FBN2: variants seen among roughly 807,000 people sequenced by gnomAD.
FBN2 encodes fibrillin-2.
A neutral mutation model predicts 355.6 loss-of-function variants in FBN2; 105 were observed. The observed-to-expected ratio is 0.30, with a 90% CI of 0.25 to 0.35. FBN2 has a LOEUF of 0.35. Ranked by LOEUF, FBN2 falls within the 10% of genes least tolerant of loss-of-function variation. The pLI, the probability that FBN2 is intolerant of heterozygous loss-of-function variation, is 1.00. For missense variants in FBN2, 3,280 were observed against 3,758.7 expected (o/e 0.87, Z 3.33); for synonymous variants, 1,350 against 1,301.2 (o/e 1.04, Z -0.81).
intron 7 of FBN2, among the ~76,000 whole-genome samples, chr5:128,422,072 C>T (rs1232368373): frequency 3.3e-5 from 5 of 152,076 alleles, no homozygotes; most frequent in Admixed American, 2.6e-4. Context: ...GGTAGCCTCT[C>T]GAAACTTGAA....
At chr5:128,269,217 C>T (rs1267519708) in intron 62 of FBN2, among the ~76,000 whole-genome samples, 2 of 150,732 alleles carry the variant, frequency 1.3e-5, no homozygotes, top group Non-Finnish European at 3.0e-5. Flanking sequence ...GAGTTCGAAA[C>T]CAGCCTGGCC....
intron 19 of FBN2, 126 bp downstream of exon 19, chr5:128,361,597 A>G (rs1373858702): frequency 2.4e-6 from 3 of 1,229,590 alleles, no homozygotes; most frequent in Non-Finnish European, 3.5e-6. Flanking sequence ...GATTAGCTAA[A>G]TGAGATTATA....
intron 34 of FBN2, among the ~76,000 whole-genome samples, chr5:128,326,967 G>A (rs1372350065): frequency 6.6e-6 from 1 of 152,124 alleles, no homozygotes; most frequent in Non-Finnish European, 1.5e-5. Context: ...ATCCTGTCTG[G>A]GTATAAAGAA....
At position 128,344,193 on chromosome 5, in the gene FBN2, G is replaced by C. The variant is rs562585175; in HGVS notation, c.3343+192C>G. ...TTGAGAACAGAAGTTTGAAGTTACA[G>C]TGAGCCATGATCATGTCTCTGCACT... is the stretch of plus-strand genomic sequence containing the variant. On this transcript the variant is annotated intron_variant, in intron 25 of 64. Coordinates refer to ENST00000262464, the MANE Select transcript of FBN2 (RefSeq NM_001999.4). Among the ~76,000 whole-genome samples, 123 of 152,316 alleles carry C rather than the reference G, an allele frequency of 8.1e-4. 1 individual carries two copies. The highest frequency in any genetic ancestry group is 6.8e-3 in the Middle Eastern group (2 of 294).
In FBN2 at chr5:128,536,388, T is replaced by C; in HGVS notation, c.337+14A>G. ...GTGCGCTGCCCCAAGCTGCGATCCC[T>C]GCCAAGCACTCACGGACAATGCACT... On this transcript the variant is annotated intron_variant, in intron 2 of 64. Coordinates refer to ENST00000262464, the MANE Select transcript of FBN2 (RefSeq NM_001999.4). 6.2e-7 allele frequency: 1 copy of C among 1,611,372 alleles called. No individual in the cohort carries two copies. Among genetic ancestry groups the C allele is most frequent in the African/African-American group, 1.3e-5 (1 of 75,006 alleles).
At chr5:128,506,766 T>C (rs544477845) in intron 5 of FBN2, among the ~76,000 whole-genome samples, 30 of 152,286 alleles carry the variant, frequency 2.0e-4, no homozygotes, top group Admixed American at 3.3e-4. Context: ...TTCTTTCATG[T>C]TGAGGAAATT....
Position 128,537,575 on chromosome 5 carries a change from T to C in FBN2, c.29A>G (p.Gln10Arg), listed in dbSNP as rs547410742. 1.4e-5 allele frequency: 22 copies of C among 1,606,810 alleles called. No homozygotes were observed. The highest frequency in any genetic ancestry group is 1.9e-5 in the Non-Finnish European group (22 of 1,177,978). ...ACAGCCCAGCCACAGGAAGTAGAGC[T>C]GGAGACACAGCCTCCGTCTTCTCCC... MGRRRRLCL[Q>R]LYFLWLGCVV... is the part of the protein sequence containing the mutation. Residue 10 changes from glutamine to arginine, a missense_variant, in exon 1 of 65, where the codon CAG (glutamine) becomes CGG (arginine). Around this residue, in one of 6 missense-constraint regions of FBN2, gnomAD observed 203 missense variants for 142.2 expected, o/e 1.43. Transcript: ENST00000262464.
chr5:128,265,302 G>C (rs1053307245), intron 62 of FBN2, among the ~76,000 whole-genome samples: 9 of 152,120 alleles, frequency 5.9e-5, no homozygotes, highest in African/African-American at 2.2e-4. Context: ...ATTAGACATT[G>C]TGTTAGGAAG....
At chr5:128,371,448 CT>C (rs747769294) in intron 15 of FBN2, among the ~76,000 whole-genome samples, 2 of 151,724 alleles carry the variant, frequency 1.3e-5, no homozygotes, top group African/African-American at 2.4e-5. Context: ...TCTTTTCTTT[CT>C]CTTTTTCTCC....
intron 20 of FBN2, among the ~76,000 whole-genome samples, chr5:128,356,107 T>G (rs1751493630): frequency 6.6e-6 from 1 of 152,140 alleles, no homozygotes; most frequent in Non-Finnish European, 1.5e-5. Context: ...ATATTTCTGC[T>G]TTAGTGGCTC....
chr5:128,291,628 T>C lies in FBN2; in HGVS notation c.6193A>G (p.Asn2065Asp). ...IDINECDEDP[N>D]ICLFGSCTNT... is the part of the protein sequence containing the mutation. ...GTACAGGAACCAAAAAGACAAATGTTGGGATCTTCATCACATTCATTTATA... is the reference window on the plus strand; with the variant it reads ...GTACAGGAACCAAAAAGACAAATGTCGGGATCTTCATCACATTCATTTATA... The change falls in exon 49 of 65, where the codon AAC (asparagine) becomes GAC (aspartate). Residue 2065 changes from asparagine (N) to aspartate (D), a missense_variant. Asn to Asp is a conservative substitution (Grantham distance 23, BLOSUM62 1). Around this residue, in one of 6 missense-constraint regions of FBN2, gnomAD observed 2,284 missense variants for 2,749.5 expected, o/e 0.83. Transcript: ENST00000262464. 6.2e-7 allele frequency: 1 copy of C among 1,613,672 alleles called. No homozygotes were observed. The highest frequency in any genetic ancestry group is 1.1e-5 in the South Asian group (1 of 91,068).
At chr5:128,422,250 A>T (rs1753368385) in intron 7 of FBN2, among the ~76,000 whole-genome samples, 4 of 152,226 alleles carry the variant, frequency 2.6e-5, no homozygotes, top group Admixed American at 2.6e-4. Context: ...TATGACAGCA[A>T]AAAGAAACTA....
intron 5 of FBN2, among the ~76,000 whole-genome samples, chr5:128,479,956 C>T (rs1352790383): frequency 5.7e-5 from 2 of 35,248 alleles, no homozygotes. Flanking sequence ...CTCTCTCTCT[C>T]TCTCTCTCTC....
chr5:128,291,377 T>C, intron 49 of FBN2, 152 bp downstream of exon 49: 1 of 789,834 alleles, frequency 1.3e-6, no homozygotes, highest in Non-Finnish European at 2.1e-6. Flanking sequence ...AAATTGTTCA[T>C]TGCTTATGTT....
chr5:128,311,103 T>C (rs976237286), intron 39 of FBN2, among the ~76,000 whole-genome samples, 197 bp downstream of exon 39: 1 of 151,880 alleles, frequency 6.6e-6, no homozygotes, highest in African/African-American at 2.4e-5. Context: ...AAAAATACAG[T>C]GAATTATGGC....
chr5:128,278,404 C>A (rs1284073044), intron 57 of FBN2, among the ~76,000 whole-genome samples: 1 of 152,202 alleles, frequency 6.6e-6, no homozygotes, highest in Non-Finnish European at 1.5e-5. Context: ...ATAATACATT[C>A]TACCCCTTAG....
chr5:128,527,658 T>G, intron 4 of FBN2, among the ~76,000 whole-genome samples: 1 of 152,138 alleles, frequency 6.6e-6, no homozygotes, highest in Non-Finnish European at 1.5e-5. Flanking sequence ...GTTGACTAGT[T>G]ACTATTCAAG....
At chr5:128,284,230 A>G (rs961340437) in intron 55 of FBN2, among the ~76,000 whole-genome samples, 5 of 152,184 alleles carry the variant, frequency 3.3e-5, no homozygotes, top group Non-Finnish European at 7.3e-5. Context: ...CCCTCCCAAT[A>G]ATCCTATGAA....
chr5:128,369,394 C>G, intron 15 of FBN2, 60 bp from the exon 16 acceptor site: 3 of 1,575,922 alleles, frequency 1.9e-6, no homozygotes, highest in South Asian at 1.1e-5. Context: ...GATTTCGAAA[C>G]AGAAGGCTTC....
Sources: allele counts gnomAD v4.1 joint callset (sites outside exome capture counted in the v4.1 genomes callset), GRCh38; gene constraint gnomAD v4.1.1; regional missense constraint gnomAD v4.1.1; transcripts MANE v1.5; gene names NCBI Gene and HGNC (gene_info 2026-07-23, HGNC 2026-07-21).